SPINK9: variants seen among roughly 807,000 people sequenced by gnomAD.
SPINK9 encodes the protein serine peptidase inhibitor Kazal type 9, also known as serine protease inhibitor Kazal-type 9.
SPINK9 carries 3 observed loss-of-function variants against 10.8 expected under a neutral mutation model. The observed-to-expected ratio is 0.28, with a 90% CI of 0.13 to 0.72. The LOEUF (loss-of-function observed/expected upper bound fraction) is 0.72. Ranked by LOEUF, SPINK9 falls within the 30% of genes least tolerant of loss-of-function variation. The pLI, the probability that SPINK9 is intolerant of heterozygous loss-of-function variation, is 0.74. For missense variants in SPINK9, 101 were observed against 103.2 expected, an observed-to-expected ratio of 0.98 and a Z score of 0.09; for synonymous variants, 30 against 31.2, an observed-to-expected ratio of 0.96 and a Z score of 0.12.
intron 2 of SPINK9, among the ~76,000 whole-genome samples, chr5:148,327,843 C>G (rs570294546): frequency 3.3e-5 from 5 of 149,330 alleles, no homozygotes; most frequent in Non-Finnish European, 7.4e-5. Flanking sequence ...TCTGAGGGCT[C>G]TGTTCTGTCC....
upstream of SPINK9, among the ~76,000 whole-genome samples, chr5:148,334,539 G>A (rs1057492751): frequency 5.9e-5 from 9 of 151,894 alleles, no homozygotes; most frequent in South Asian, 2.1e-4. Context: ...GGTGAAATCC[G>A]GTCTGTACTA....
At chr5:148,331,989 C>G (rs554515881), upstream of SPINK9, among the ~76,000 whole-genome samples, 7 of 152,234 alleles carry the variant, frequency 4.6e-5, no homozygotes, top group Admixed American at 1.3e-4. Context: ...AATAGTGTAT[C>G]TTGCTCTTTG....
At chr5:148,329,129 G>T (rs1014156111) in intron 2 of SPINK9, among the ~76,000 whole-genome samples, 1 of 152,196 alleles carries the variant, frequency 6.6e-6, no homozygotes, top group African/African-American at 2.4e-5. Flanking sequence ...GAATCCATCT[G>T]GTCCTGGACT....
chr5:148,327,826 C>A (rs1417667265), intron 2 of SPINK9, among the ~76,000 whole-genome samples: 1 of 151,438 alleles, frequency 6.6e-6, no homozygotes, highest in Non-Finnish European at 1.5e-5. Flanking sequence ...AGATATGTGG[C>A]ATTATTTCTG....
At chr5:148,331,792 A>G (rs1757154900), upstream of SPINK9, among the ~76,000 whole-genome samples, 1 of 152,206 alleles carries the variant, frequency 6.6e-6, no homozygotes, top group African/African-American at 2.4e-5. Flanking sequence ...TCAAAAAATC[A>G]ATTCACCATA....
At chr5:148,325,770 C>A (rs560969303) in intron 2 of SPINK9, among the ~76,000 whole-genome samples, 4 of 152,156 alleles carry the variant, frequency 2.6e-5, no homozygotes, top group Non-Finnish European at 5.9e-5. Flanking sequence ...TTGTCTTGTA[C>A]TTTTAATGTC....
At chr5:148,336,597 G>T in intron 2 of SPINK9, 144 bp downstream of exon 2, 1 of 890,442 alleles carries the variant, frequency 1.1e-6, no homozygotes, top group Non-Finnish European at 1.7e-6. Flanking sequence ...AAAATTGTAG[G>T]CAGATCTTTC....
upstream of SPINK9, among the ~76,000 whole-genome samples, chr5:148,335,264 A>G (rs545150531): frequency 5.3e-5 from 8 of 152,306 alleles, no homozygotes; most frequent in African/African-American, 1.9e-4. Context: ...CATGGCCAAA[A>G]GATTGCTGGC....
At chr5:148,336,596 G>A in intron 2 of SPINK9, 143 bp downstream of exon 2, 1 of 893,274 alleles carries the variant, frequency 1.1e-6, no homozygotes, top group Non-Finnish European at 1.7e-6. Context: ...AAAAATTGTA[G>A]GCAGATCTTT....
chr5:148,338,915 A>G (rs1435755635), intron 3 of SPINK9, among the ~76,000 whole-genome samples: 2 of 152,160 alleles, frequency 1.3e-5, no homozygotes, highest in Non-Finnish European at 2.9e-5. Context: ...AAGTAGTCTC[A>G]CAGTCCACCT....
chr5:148,326,842 C>G (rs1318307772), intron 2 of SPINK9, among the ~76,000 whole-genome samples: 2 of 152,014 alleles, frequency 1.3e-5, no homozygotes, highest in Admixed American at 1.3e-4. Flanking sequence ...AGGACATGAA[C>G]TCATCATTTT....
intron 2 of SPINK9, among the ~76,000 whole-genome samples, chr5:148,324,024 C>A (rs1366174286): frequency 6.6e-6 from 1 of 152,130 alleles, no homozygotes; most frequent in Admixed American, 6.6e-5. Flanking sequence ...TAATGTCCTA[C>A]AAAAATCTAA....
At chr5:148,333,182 C>T (rs1427574630), upstream of SPINK9, among the ~76,000 whole-genome samples, 4 of 152,144 alleles carry the variant, frequency 2.6e-5, no homozygotes, top group Non-Finnish European at 5.9e-5. Flanking sequence ...ACCAGGCTGC[C>T]ACATACCCAC....
chr5:148,336,357 T>G lies in SPINK9; in HGVS notation c.56-65T>G, dbSNP rs1757217081. On this transcript the variant is annotated intron_variant, in intron 1 of 3. Coordinates refer to ENST00000377906, the MANE Select transcript of SPINK9 (RefSeq NM_001040433.2). ...GAAAGCTAAAGCATAAATCAAAGAT[T>G]CTTTTTCTAGTAAGATTAGGTTCTT... is the stretch of plus-strand genomic sequence containing the variant. 4 of 1,532,720 alleles carry G rather than the reference T, an allele frequency of 2.6e-6. No individual in the cohort carries two copies. In the East Asian group the frequency reaches 9.0e-5, roughly 35 times the overall value. 94.9% of individuals were successfully genotyped at this position (1,532,720 alleles called of 1,614,324 possible).
intron 2 of SPINK9, among the ~76,000 whole-genome samples, chr5:148,325,052 C>T (rs1757042096): frequency 6.6e-6 from 1 of 151,980 alleles, no homozygotes; most frequent in African/African-American, 2.4e-5. Context: ...TTGTGTCTGG[C>T]TTCTTTTACT....
chr5:148,326,177 A>C (rs1180419905), intron 2 of SPINK9, among the ~76,000 whole-genome samples: 1 of 152,226 alleles, frequency 6.6e-6, no homozygotes, highest in Non-Finnish European at 1.5e-5. Context: ...GAGAAATGTG[A>C]ATTAAAACCA....
chr5:148,326,527 A>C (rs1757062439), intron 2 of SPINK9, among the ~76,000 whole-genome samples: 1 of 152,084 alleles, frequency 6.6e-6, no homozygotes, highest in African/African-American at 2.4e-5. Flanking sequence ...TTTTATTATT[A>C]TTATACTTTA....
At chr5:148,329,258 A>G (rs938261128) in intron 2 of SPINK9, among the ~76,000 whole-genome samples, 11 of 152,176 alleles carry the variant, frequency 7.2e-5, no homozygotes, top group African/African-American at 2.4e-4. Context: ...TGAAGAATTT[A>G]TCCCTGTCTT....
chr5:148,334,907 G>A (rs1757196507), upstream of SPINK9, among the ~76,000 whole-genome samples: 1 of 152,270 alleles, frequency 6.6e-6, no homozygotes, highest in Non-Finnish European at 1.5e-5. Flanking sequence ...CACATGGAGA[G>A]TGGTGTAGCT....
Sources: gnomAD v4.1 joint callset for allele counts (sites outside exome capture counted in the v4.1 genomes callset) on GRCh38, gnomAD v4.1.1 for gene constraint, MANE v1.5 for transcripts, NCBI Gene and HGNC (gene_info 2026-07-23, HGNC 2026-07-21) for gene names.